CSMD1: variants seen among roughly 807,000 people sequenced by gnomAD.
CSMD1 encodes the protein CUB and Sushi multiple domains 1, also known as CUB and sushi domain-containing protein 1.
CSMD1 carries 213 observed loss-of-function variants against 417.5 expected under a neutral mutation model. The ratio of observed to expected loss-of-function variants is 0.51; its 90% CI spans 0.46 to 0.57. CSMD1 has a LOEUF of 0.57. CSMD1 is among the 20% of genes least tolerant of loss of function. The pLI is 0.00. For synonymous variants in CSMD1, 2,862 were observed against 1,736.8 expected (o/e 1.65, Z -16.11); for missense variants, 6,923 against 4,529.7 (o/e 1.53, Z -15.17).
intron 1 of CSMD1, among the ~76,000 whole-genome samples, chr8:4,718,458 C>T (rs1208178698): frequency 6.6e-6 from 1 of 152,054 alleles, no homozygotes; most frequent in East Asian, 1.9e-4. Flanking sequence ...ATCTTAGAAA[C>T]ATCACTCCTG....
intron 1 of CSMD1, among the ~76,000 whole-genome samples, chr8:4,680,721 A>C (rs1805984331): frequency 6.6e-6 from 1 of 152,086 alleles, no homozygotes; most frequent in Non-Finnish European, 1.5e-5. Context: ...CTGGGATTAC[A>C]GGTGAGGCCC....
At position 3,913,707 on chromosome 8, in the gene CSMD1, G is replaced by C. The variant is rs1366324307; in HGVS notation, c.818+84196C>G. On this transcript the variant is annotated intron_variant, in intron 5 of 69. Transcript: ENST00000635120. ...TGCAAACTTTCAGGAAGTTTAGATG[G>C]AAGCATGCAGGGAAGGCAGGAGTGG... Among the ~76,000 whole-genome samples the C allele has an allele frequency of 3.3e-5, 5 of 152,166 alleles. 1 individual carries two copies. The South Asian group carries it at 6.2e-4, about 19-fold the overall frequency.
At chr8:3,621,362 A>G (rs2449231) in intron 7 of CSMD1, among the ~76,000 whole-genome samples, 1 of 151,936 alleles carries the variant, frequency 6.6e-6, no homozygotes, top group African/African-American at 2.4e-5. Context: ...TAAGGACACA[A>G]AGAGGTTAAA....
At chr8:4,981,561 C>A (rs565393302) in intron 1 of CSMD1, among the ~76,000 whole-genome samples, 360 of 152,308 alleles carry the variant, frequency 2.4e-3, no homozygotes, top group Non-Finnish European at 3.9e-3. Context: ...TCTTTTCCTA[C>A]ATTTATTATT....
chr8:3,538,514 T>C (rs1798301107), intron 10 of CSMD1, among the ~76,000 whole-genome samples: 1 of 152,202 alleles, frequency 6.6e-6, no homozygotes, highest in East Asian at 1.9e-4. Context: ...TCACCTGAGA[T>C]GCCCCACCTG....
chr8:4,945,910 G>A (rs922658628), intron 1 of CSMD1, among the ~76,000 whole-genome samples: 1 of 152,142 alleles, frequency 6.6e-6, no homozygotes, highest in Admixed American at 6.5e-5. Flanking sequence ...TTCACTCGAA[G>A]AAAACAGAAT....
intron 1 of CSMD1, among the ~76,000 whole-genome samples, chr8:4,896,985 A>G (rs1334904544): frequency 6.6e-6 from 1 of 152,036 alleles, no homozygotes; most frequent in Non-Finnish European, 1.5e-5. Context: ...CATTTTTGTG[A>G]TGTGTCTCGT....
rs1010402092 is a variant in CSMD1 at position 4,733,516 on chromosome 8, G to A, written c.86-95958C>T. On this transcript the variant is annotated intron_variant, in intron 1 of 69. Transcript: ENST00000635120. ...TTTTACACATAATCCTCTCAATGGT[G>A]CAACAAGGAAGATAGATAGTGCATT... is the stretch of plus-strand genomic sequence containing the variant. 5.9e-5 allele frequency among the ~76,000 whole-genome samples: 9 copies of A among 152,190 alleles called. No homozygotes were observed. The East Asian group carries it at 1.7e-3, about 29-fold the overall frequency.
chr8:3,599,269 C>G (rs866016619), intron 8 of CSMD1, among the ~76,000 whole-genome samples: 8 of 151,908 alleles, frequency 5.3e-5, no homozygotes, highest in African/African-American at 9.7e-5. Flanking sequence ...ATGTATCCAC[C>G]TCCTCATGTG....
chr8:3,763,467 C>A (rs965038846), intron 5 of CSMD1, among the ~76,000 whole-genome samples: 5 of 152,084 alleles, frequency 3.3e-5, no homozygotes, highest in Non-Finnish European at 7.4e-5. Flanking sequence ...CTCTCCTCTC[C>A]TTTGCTCCCC....
At chr8:4,247,292 G>T (rs929399817) in intron 3 of CSMD1, among the ~76,000 whole-genome samples, 1 of 152,074 alleles carries the variant, frequency 6.6e-6, no homozygotes, top group Non-Finnish European at 1.5e-5. Flanking sequence ...TAATCAATGG[G>T]TGGTCAATTG....
chr8:4,799,236 G>A (rs183140252), intron 1 of CSMD1, among the ~76,000 whole-genome samples: 1 of 152,094 alleles, frequency 6.6e-6, no homozygotes, highest in African/African-American at 2.4e-5. Context: ...GAAACGGTAA[G>A]GGATAACACC....
At chr8:4,041,218 C>T (rs1472662177) in intron 3 of CSMD1, among the ~76,000 whole-genome samples, 6 of 152,014 alleles carry the variant, frequency 3.9e-5, no homozygotes, top group African/African-American at 9.6e-5. Flanking sequence ...GGGGTTTCAC[C>T]GTGTTAGCCA....
intron 3 of CSMD1, among the ~76,000 whole-genome samples, chr8:4,068,738 G>A (rs190592281): frequency 3.0e-4 from 45 of 152,254 alleles, no homozygotes; most frequent in African/African-American, 9.4e-4. Flanking sequence ...CCTGCGCTGT[G>A]TATTTCTGTA....
At chr8:4,532,599 G>C (rs1008632401) in intron 2 of CSMD1, among the ~76,000 whole-genome samples, 8 of 139,968 alleles carry the variant, frequency 5.7e-5, no homozygotes, top group Non-Finnish European at 1.5e-5. Context: ...CTCTGGAAGA[G>C]AAATCCTGCA....
intron 3 of CSMD1, among the ~76,000 whole-genome samples, chr8:4,341,569 A>G (rs1262972432): frequency 6.6e-6 from 1 of 152,168 alleles, no homozygotes; most frequent in African/African-American, 2.4e-5. Context: ...GATTTTGAGA[A>G]GAAATACTAA....
intron 4 of CSMD1, among the ~76,000 whole-genome samples, chr8:4,026,069 T>A (rs1041350223): frequency 6.6e-6 from 1 of 152,064 alleles, no homozygotes; most frequent in Admixed American, 6.6e-5. Flanking sequence ...TAATAGAACT[T>A]TGGGGAAGCA....
chr8:3,876,440 C>A (rs539264352), intron 5 of CSMD1, among the ~76,000 whole-genome samples: 1 of 152,252 alleles, frequency 6.6e-6, no homozygotes, highest in Admixed American at 6.5e-5. Flanking sequence ...ACACCATTCT[C>A]CTTTTATTCC....
At chr8:3,519,235 G>C (rs1797403262) in intron 10 of CSMD1, among the ~76,000 whole-genome samples, 1 of 152,114 alleles carries the variant, frequency 6.6e-6, no homozygotes, top group Non-Finnish European at 1.5e-5. Context: ...TTCTTTCCCT[G>C]CATATAAACA....
Sources: allele counts gnomAD v4.1 joint callset (sites outside exome capture counted in the v4.1 genomes callset), GRCh38; gene constraint gnomAD v4.1.1; transcripts MANE v1.5; gene names NCBI Gene and HGNC (gene_info 2026-07-23, HGNC 2026-07-21).